Variants in PTPRE observed in about 807,000 individuals in gnomAD.
PTPRE encodes the protein receptor-type tyrosine-protein phosphatase epsilon.
Under a neutral mutation model 102.0 loss-of-function variants are expected in PTPRE, and 51 were observed. The ratio of observed to expected loss-of-function variants is 0.50; its 90% CI spans 0.40 to 0.63. PTPRE has a LOEUF of 0.63. Among genes scored for constraint, PTPRE ranks in the 30% least tolerant of loss-of-function variants. The probability of loss-of-function intolerance (pLI) is 0.00; values close to 1 mark genes in which losing one functional copy is unlikely to be tolerated. For missense variants in PTPRE, 752 were observed against 915.1 expected (o/e 0.82, Z 2.30); for synonymous variants, 345 against 348.2 (o/e 0.99, Z 0.10).
intron 3 of PTPRE, among the ~76,000 whole-genome samples, chr10:128,043,869 G>A (rs1475074049): frequency 6.6e-6 from 1 of 152,158 alleles, no homozygotes; most frequent in Admixed American, 6.5e-5. Flanking sequence ...AAAGCAAGCT[G>A]GAGAACTGCC....
intron 1 of PTPRE, among the ~76,000 whole-genome samples, chr10:127,972,399 G>A (rs907333192): frequency 1.3e-5 from 2 of 152,186 alleles, no homozygotes; most frequent in Non-Finnish European, 2.9e-5. Context: ...TTACTTCAGG[G>A]TGGCCGTGAG....
intron 2 of PTPRE, among the ~76,000 whole-genome samples, chr10:128,021,917 T>G (rs189716556): frequency 1.2e-3 from 188 of 152,384 alleles, no homozygotes; most frequent in African/African-American, 4.4e-3. Context: ...TTCGAGGCTT[T>G]GATTTCCAGT....
At chr10:127,978,548 GA>G (rs11350662) in intron 1 of PTPRE, among the ~76,000 whole-genome samples, 17,822 of 151,534 alleles carry the variant, frequency 0.12, 2,118 homozygotes, top group African/African-American at 0.3. Context: ...CTCAGTTTAA[GA>G]AAAAAAATAA....
chr10:128,058,360 T>G (rs917746690), intron 7 of PTPRE, among the ~76,000 whole-genome samples: 5 of 152,240 alleles, frequency 3.3e-5, no homozygotes, highest in Admixed American at 6.5e-5. Flanking sequence ...AGTTGGCATT[T>G]CCTCCAAGCC....
intron 5 of PTPRE, 81 bp from the exon 6 acceptor site, chr10:128,049,449 A>G (rs578229104): frequency 6.6e-7 from 1 of 1,515,280 alleles, no homozygotes; most frequent in African/African-American, 1.4e-5. Context: ...TTCTTCAGGA[A>G]TGTCGTTGGT....
chr10:128,038,046 C>T (rs1318819443), intron 2 of PTPRE, among the ~76,000 whole-genome samples: 1 of 151,272 alleles, frequency 6.6e-6, no homozygotes, highest in African/African-American at 2.4e-5. Context: ...TATGATCCAC[C>T]CGCCTCGGCC....
chr10:128,077,657 A>G lies in PTPRE; in HGVS notation c.1766A>G (p.Gln589Arg). ...RQEEQVRVVR[Q>R]FHFHGWPEIG... ...GAGGAGCAGGTCCGAGTAGTGCGCC[A>G]GTTTCACTTCCACGGCTGGCCTGAG... The change falls in exon 19 of 21, where the codon CAG becomes CGG. Residue 589 changes from glutamine (Q) to arginine (R), a missense_variant. Physicochemically the swap from Gln to Arg is conservative, Grantham distance 43. Coordinates refer to ENST00000254667, the MANE Select transcript of PTPRE (RefSeq NM_006504.6). The G allele has an allele frequency of 6.2e-7, 1 of 1,613,524 alleles. No individual in the cohort carries two copies. The highest frequency in any genetic ancestry group is 8.5e-7 in the Non-Finnish European group (1 of 1,179,574).
rs1465239100 is a variant in PTPRE at position 127,908,441 on chromosome 10, T to C, written c.-31+1132T>C. The stretch of plus-strand genomic sequence containing the variant: ...TCCATTTAAACTGTGTGTATGTGGG[T>C]GGGGAGGGGGGGTGTGGAGGGTCGT... On this transcript the variant is annotated intron_variant, in intron 1 of 20. Coordinates refer to ENST00000254667, the MANE Select transcript of PTPRE (RefSeq NM_006504.6). Among the ~76,000 whole-genome samples the C allele has an allele frequency of 1.2e-4, 7 of 57,466 alleles. No individual in the cohort carries two copies. In the South Asian group the frequency reaches 4.4e-3, roughly 36 times the overall value. 37.7% of individuals were successfully genotyped at this position (57,466 alleles called of 152,430 possible). A position where few individuals can be genotyped will look rare whatever the true frequency, so the allele number is the denominator to read the frequency against.
intron 1 of PTPRE, among the ~76,000 whole-genome samples, chr10:127,962,505 C>T (rs1849900543): frequency 6.6e-6 from 1 of 152,224 alleles, no homozygotes; most frequent in Non-Finnish European, 1.5e-5. Flanking sequence ...GACCACCCTG[C>T]ATCTGAACGG....
At chr10:127,977,420 C>A (rs1239756561) in intron 1 of PTPRE, among the ~76,000 whole-genome samples, 1 of 152,194 alleles carries the variant, frequency 6.6e-6, no homozygotes, top group Non-Finnish European at 1.5e-5. Context: ...CCAAAAAATT[C>A]TTCAAGGTTG....
chr10:127,947,020 C>CA (rs59527787), intron 1 of PTPRE, among the ~76,000 whole-genome samples: 933 of 82,264 alleles, frequency 0.011, 8 homozygotes, highest in African/African-American at 0.025. Context: ...GACCCTGTCT[C>CA]AAAAAAAAAA....
intron 2 of PTPRE, among the ~76,000 whole-genome samples, chr10:128,019,129 C>A (rs1370265923): frequency 6.6e-6 from 1 of 152,226 alleles, no homozygotes; most frequent in Non-Finnish European, 1.5e-5. Context: ...CCTCTCCCCT[C>A]CCAGCCCCAG....
At chr10:128,020,049 C>T (rs1463088970) in intron 2 of PTPRE, among the ~76,000 whole-genome samples, 7 of 97,510 alleles carry the variant, frequency 7.2e-5, no homozygotes, top group East Asian at 5.3e-4. Flanking sequence ...TGTGTGTGCA[C>T]GCGCGCACGT....
chr10:128,025,252 C>T (rs1334797351), intron 2 of PTPRE, among the ~76,000 whole-genome samples: 3 of 148,496 alleles, frequency 2.0e-5, no homozygotes, highest in Non-Finnish European at 4.5e-5. Context: ...TTTTTAAATT[C>T]TTTTATGACA....
chr10:128,083,948 C>T lies in PTPRE; in HGVS notation c.*1042C>T, dbSNP rs896763791. The T allele has an allele frequency of 6.6e-6, 1 of 152,208 alleles. No individual in the cohort carries two copies. Among genetic ancestry groups the T allele is most frequent in the African/African-American group, 2.4e-5 (1 of 41,458 alleles). 9.4% of individuals were successfully genotyped at this position (152,208 alleles called of 1,614,324 possible). ...AAACATTTCTTGTAAAAAGCTGAGACAGTTTGTAAGAAAAGAATCCTTAAA... is the reference window on the plus strand; with the variant it reads ...AAACATTTCTTGTAAAAAGCTGAGATAGTTTGTAAGAAAAGAATCCTTAAA... On this transcript the variant is annotated 3_prime_UTR_variant, in exon 21 of 21. Coordinates refer to ENST00000254667, the MANE Select transcript of PTPRE (RefSeq NM_006504.6).
chr10:128,020,078 G>GCA (rs1845754151), intron 2 of PTPRE, among the ~76,000 whole-genome samples: 7 of 151,492 alleles, frequency 4.6e-5, no homozygotes. Flanking sequence ...GTGTGTGTGC[G>GCA]TGCACATGCA....
At chr10:128,042,400 A>G (rs1847778553) in intron 3 of PTPRE, among the ~76,000 whole-genome samples, 1 of 152,198 alleles carries the variant, frequency 6.6e-6, no homozygotes, top group South Asian at 2.1e-4. Flanking sequence ...TTGGGCTCAC[A>G]TATTGCCATA....
intron 1 of PTPRE, among the ~76,000 whole-genome samples, chr10:127,956,306 G>A: frequency 6.6e-6 from 1 of 152,106 alleles, no homozygotes; most frequent in East Asian, 1.9e-4. Context: ...GAGTCCAAGT[G>A]GACTAGATGA....
In PTPRE at chr10:128,067,372, G is replaced by T. The variant is rs188422647; in HGVS notation, c.844-751G>T. Among the ~76,000 whole-genome samples the T allele has an allele frequency of 6.5e-3, 721 of 111,164 alleles. 6 individuals are homozygous for T. Among genetic ancestry groups the T allele is most frequent in the Middle Eastern group, 0.043 (9 of 210 alleles). The allele number at this position is 111,164 out of a possible 152,430, so 72.9% of individuals were successfully genotyped here. A position where few individuals can be genotyped will look rare whatever the true frequency, so the allele number is the denominator to read the frequency against. On this transcript the variant is annotated intron_variant, in intron 11 of 20. Transcript: ENST00000254667. ...TTCACACACGCACACGTGCACACAT[G>T]CACACATTCACACATGTGCACACAC...
Sources: allele counts gnomAD v4.1 joint callset (sites outside exome capture counted in the v4.1 genomes callset), GRCh38; gene constraint gnomAD v4.1.1; transcripts MANE v1.5; gene names NCBI Gene and HGNC (gene_info 2026-07-23, HGNC 2026-07-21).